The following GRIK4 variants were observed in gnomAD, a reference collection of about 807,000 sequenced individuals.
GRIK4 encodes the protein glutamate receptor ionotropic, kainate 4.
In GRIK4, 40 loss-of-function variants were observed where a neutral mutation model predicts 104.9. The ratio of observed to expected loss-of-function variants is 0.38; its 90% confidence interval spans 0.30 to 0.50. The LOEUF (loss-of-function observed/expected upper bound fraction) is 0.50, where lower values mean the gene tolerates loss of function less well. Among genes scored for constraint, GRIK4 ranks in the 20% least tolerant of loss-of-function variants. The pLI is 0.93. For missense variants in GRIK4, 1,047 were observed against 1,308.1 expected (o/e 0.80, Z 3.08); for synonymous variants, 485 against 524.9 (o/e 0.92, Z 1.04).
intron 3 of GRIK4, among the ~76,000 whole-genome samples, chr11:120,744,649 G>A (rs1951406994): frequency 6.6e-6 from 1 of 152,208 alleles, no homozygotes; most frequent in Non-Finnish European, 1.5e-5. Context: ...GGTAGAAAGT[G>A]TGGGGCAGTG....
chr11:120,795,138 C>T (rs1221542687), intron 3 of GRIK4, among the ~76,000 whole-genome samples: 4 of 152,238 alleles, frequency 2.6e-5, no homozygotes, highest in African/African-American at 9.6e-5. Flanking sequence ...TAGATACTGC[C>T]TATAAAGACT....
At chr11:120,912,861 T>G (rs929503440) in intron 13 of GRIK4, among the ~76,000 whole-genome samples, 1 of 152,128 alleles carries the variant, frequency 6.6e-6, no homozygotes, top group Non-Finnish European at 1.5e-5. Context: ...CAGTAAAAGG[T>G]AGGCGGGATG....
At chr11:120,611,944 C>T (rs529937019) in intron 1 of GRIK4, among the ~76,000 whole-genome samples, 1 of 152,250 alleles carries the variant, frequency 6.6e-6, no homozygotes, top group African/African-American at 2.4e-5. Context: ...GAGTGCTGTG[C>T]TTTTGGGTTG....
chr11:120,756,795 G>T (rs1951661700), intron 3 of GRIK4, among the ~76,000 whole-genome samples: 2 of 152,198 alleles, frequency 1.3e-5, no homozygotes, highest in African/African-American at 4.8e-5. Flanking sequence ...CCCTGAGGCT[G>T]GGACACAGGT....
chr11:120,961,885 C>T (rs1274399575), intron 17 of GRIK4, among the ~76,000 whole-genome samples: 1 of 152,252 alleles, frequency 6.6e-6, no homozygotes, highest in East Asian at 1.9e-4. Flanking sequence ...GCACAGACAA[C>T]AGTGAAGTCA....
At chr11:120,944,404 C>T (rs951615844) in intron 14 of GRIK4, among the ~76,000 whole-genome samples, 1 of 152,168 alleles carries the variant, frequency 6.6e-6, no homozygotes, top group African/African-American at 2.4e-5. Flanking sequence ...CTGGACGTCT[C>T]ACAGGCACCC....
intron 11 of GRIK4, among the ~76,000 whole-genome samples, chr11:120,878,622 C>G (rs1033100748): frequency 6.7e-5 from 10 of 149,042 alleles, no homozygotes; most frequent in Admixed American, 4.7e-4. Flanking sequence ...CGCCCCCCCC[C>G]CTTTTTTCAA....
intron 3 of GRIK4, among the ~76,000 whole-genome samples, chr11:120,670,568 C>T (rs1213806665): frequency 2.0e-5 from 3 of 152,272 alleles, no homozygotes; most frequent in African/African-American, 4.8e-5. Context: ...CTGCTGTGCC[C>T]TCTGCCTGGA....
chr11:120,786,280 C>A (rs1303809971), intron 3 of GRIK4, among the ~76,000 whole-genome samples: 1 of 152,208 alleles, frequency 6.6e-6, no homozygotes, highest in Admixed American at 6.5e-5. Context: ...GCTTCTAAAA[C>A]CATACATGTC....
chr11:120,611,749 G>A (rs777972782), intron 1 of GRIK4, among the ~76,000 whole-genome samples: 11 of 152,090 alleles, frequency 7.2e-5, no homozygotes, highest in Non-Finnish European at 1.6e-4. Flanking sequence ...CTATAAGCTC[G>A]GTGGGGGCGG....
intron 3 of GRIK4, among the ~76,000 whole-genome samples, chr11:120,751,013 C>T (rs559918441): frequency 2.0e-5 from 3 of 152,280 alleles, no homozygotes; most frequent in South Asian, 4.2e-4. Context: ...AAGTTAATTG[C>T]GGAGGGTTCC....
At position 120,967,126 on chromosome 11, in the gene GRIK4, A is replaced by T; in HGVS notation, c.2267-69A>T. The T allele has an allele frequency of 6.6e-7, 1 of 1,517,936 alleles. No individual in the cohort carries two copies. 94.0% of individuals were successfully genotyped at this position (1,517,936 alleles called of 1,614,324 possible). A position where few individuals can be genotyped will look rare whatever the true frequency, so the allele number is the denominator to read the frequency against. On this transcript the variant is annotated intron_variant, in intron 18 of 20. Transcript: ENST00000527524. The surrounding 1 kb of genome is among the most constrained non-coding windows in gnomAD (Gnocchi z 4.2). ...AGGGTGGCCAGGAGGTGTGCCGGGAAGGGGAGCAGAGTGACACCTAACAGG... is the reference window on the plus strand; with the variant it reads ...AGGGTGGCCAGGAGGTGTGCCGGGATGGGGAGCAGAGTGACACCTAACAGG...
intron 3 of GRIK4, among the ~76,000 whole-genome samples, chr11:120,752,937 G>A (rs1951582882): frequency 6.6e-6 from 1 of 152,238 alleles, no homozygotes; most frequent in Admixed American, 6.5e-5. Context: ...GCACAGCCGT[G>A]GGCCTAGGCC....
In GRIK4 at chr11:120,554,703, C is replaced by T. The variant is rs1298073034; in HGVS notation, c.-159+42816C>T. On this transcript the variant is annotated intron_variant, in intron 1 of 20. Transcript: ENST00000527524. ...CCTCCAGAGCAGCTGGGATTACAGA[C>T]GCCCGCCACCATGCCTGGCTGATTT... Among the ~76,000 whole-genome samples the T allele has an allele frequency of 8.5e-5, 13 of 152,216 alleles. No homozygotes were observed. The South Asian group carries it at 1.0e-3, about 12-fold the overall frequency.
intron 1 of GRIK4, among the ~76,000 whole-genome samples, chr11:120,560,574 G>A (rs1474040545): frequency 6.6e-6 from 1 of 152,220 alleles, no homozygotes; most frequent in African/African-American, 2.4e-5. Flanking sequence ...GGAAGAAAGA[G>A]TGTTTCCATC....
At chr11:120,899,711 C>G (rs1942680489) in intron 12 of GRIK4, among the ~76,000 whole-genome samples, 1 of 152,212 alleles carries the variant, frequency 6.6e-6, no homozygotes, top group Non-Finnish European at 1.5e-5. Context: ...AAACCAACTA[C>G]ATGTATTAAG....
At chr11:120,550,356 G>GT (rs2136094709) in intron 1 of GRIK4, among the ~76,000 whole-genome samples, 2 of 77,536 alleles carry the variant, frequency 2.6e-5, no homozygotes, top group African/African-American at 9.6e-5. Context: ...GGTGGGGTGA[G>GT]TTGGGGGGTG....
chr11:120,854,787 TATTTCCCCC>T (rs1203254925), intron 8 of GRIK4, among the ~76,000 whole-genome samples: 4 of 152,208 alleles, frequency 2.6e-5, no homozygotes, highest in African/African-American at 9.6e-5. Flanking sequence ...AGTGAAGTCT[TATTTCCCCC>T]ATTTTAAAAT....
intron 8 of GRIK4, chr11:120,859,323 T>A (rs536036918): frequency 2.0e-5 from 3 of 152,190 alleles, no homozygotes; most frequent in South Asian, 2.1e-4. Flanking sequence ...TGTTTCTTTT[T>A]AAAAAACAAG....
Sources: gnomAD v4.1 joint callset for allele counts (sites outside exome capture counted in the v4.1 genomes callset) on GRCh38, gnomAD v4.1.1 for gene constraint, Gnocchi (gnomAD v3.1) non-coding constraint, MANE v1.5 for transcripts, NCBI Gene and HGNC (gene_info 2026-07-23, HGNC 2026-07-21) for gene names.